Variants in KCNH1 observed in about 807,000 individuals in gnomAD.
The protein encoded by KCNH1 is potassium voltage-gated channel subfamily H member 1.
Under a neutral mutation model 69.2 loss-of-function variants are expected in KCNH1, and 27 were observed. The observed-to-expected ratio is 0.39, with a 90% CI of 0.29 to 0.54. KCNH1 has a LOEUF of 0.54. KCNH1 is among the 20% of genes least tolerant of loss of function. The pLI, the probability that KCNH1 is intolerant of heterozygous loss-of-function variation, is 0.68. For synonymous variants in KCNH1, 456 were observed against 487.7 expected, an observed-to-expected ratio of 0.93 and a Z score of 0.86; for missense variants, 798 against 1,261.6, an observed-to-expected ratio of 0.63 and a Z score of 5.57.
At chr1:210,990,877 C>G (rs751517442) in intron 6 of KCNH1, among the ~76,000 whole-genome samples, 3 of 151,926 alleles carry the variant, frequency 2.0e-5, no homozygotes, top group East Asian at 1.9e-4. Context: ...ATATTAAGTG[C>G]TAAGGCATTA....
At chr1:210,896,674 T>C (rs1208711079) in intron 7 of KCNH1, among the ~76,000 whole-genome samples, 2 of 152,178 alleles carry the variant, frequency 1.3e-5, no homozygotes, top group Non-Finnish European at 2.9e-5. Context: ...GGGTTTCTGG[T>C]GTCTAGCAAC....
chr1:210,685,694 CTGTT>C, intron 10 of KCNH1, among the ~76,000 whole-genome samples: 1 of 149,774 alleles, frequency 6.7e-6, no homozygotes, highest in East Asian at 1.9e-4. Context: ...TAAATGGCTC[CTGTT>C]GTCCTTGACC....
At chr1:210,761,833 G>A (rs1683530678) in intron 10 of KCNH1, among the ~76,000 whole-genome samples, 1 of 152,086 alleles carries the variant, frequency 6.6e-6, no homozygotes, top group Admixed American at 6.5e-5. Flanking sequence ...CAATAGACAG[G>A]TAGTCAATGC....
chr1:210,919,821 G>A lies in KCNH1; in HGVS notation c.1281C>T (p.Gly427=). 1 of 1,614,160 alleles carries A rather than the reference G, an allele frequency of 6.2e-7. No individual in the cohort carries two copies. Among genetic ancestry groups the A allele is most frequent in the Non-Finnish European group, 8.5e-7 (1 of 1,180,028 alleles). The change falls in exon 7 of 11, where the codon GGC becomes GGT. Residue 427 remains glycine (G), a synonymous_variant. Transcript: ENST00000271751. This position sits in a 1 kb window ranked among gnomAD's most constrained non-coding sequence, Gnocchi z 4.2. The part of the protein sequence containing the change: ...SWLYQLAMDI[G]TPYQFNGSGS... ...CAGACCCATTAAACTGGTAAGGGGT[G>A]CCAATGTCCATCGCTAGTTGGTACA... is the stretch of plus-strand genomic sequence containing the variant.
At chr1:211,113,098 A>G (rs1216912574) in intron 1 of KCNH1, among the ~76,000 whole-genome samples, 1 of 152,104 alleles carries the variant, frequency 6.6e-6, no homozygotes, top group Non-Finnish European at 1.5e-5. Context: ...GGTTTTTTTC[A>G]ACCTTTACAT....
chr1:211,029,204 A>C (rs888594904), intron 5 of KCNH1, among the ~76,000 whole-genome samples: 2 of 148,800 alleles, frequency 1.3e-5, no homozygotes, highest in Non-Finnish European at 3.0e-5. Context: ...GTGGTGGTAC[A>C]TGCCTATAGT....
chr1:210,867,838 C>T (rs1225094302), intron 7 of KCNH1, among the ~76,000 whole-genome samples: 2 of 151,988 alleles, frequency 1.3e-5, no homozygotes, highest in African/African-American at 2.4e-5. Flanking sequence ...AACCATGTGT[C>T]ATGCATATCT....
chr1:210,794,528 A>G (rs568564310), intron 9 of KCNH1, among the ~76,000 whole-genome samples: 8 of 152,220 alleles, frequency 5.3e-5, no homozygotes, highest in Non-Finnish European at 1.2e-4. Context: ...TCAACAATAA[A>G]TCAAGCCCTG....
At chr1:210,904,895 C>T (rs1227800169) in intron 7 of KCNH1, among the ~76,000 whole-genome samples, 1 of 152,114 alleles carries the variant, frequency 6.6e-6, no homozygotes, top group Non-Finnish European at 1.5e-5. Context: ...GAACACCTAG[C>T]TTTGGGAACT....
chr1:210,737,428 T>C (rs1378193421), intron 10 of KCNH1, among the ~76,000 whole-genome samples: 1 of 152,224 alleles, frequency 6.6e-6, no homozygotes, highest in Non-Finnish European at 1.5e-5. Context: ...TCAATTAAGA[T>C]TTTGAGTCAA....
chr1:210,722,637 G>A (rs1226762513), intron 10 of KCNH1, among the ~76,000 whole-genome samples: 5 of 152,158 alleles, frequency 3.3e-5, no homozygotes, highest in South Asian at 4.1e-4. Flanking sequence ...ATTTACACAT[G>A]TGTTTTCTCT....
intron 3 of KCNH1, among the ~76,000 whole-genome samples, chr1:211,100,626 C>T (rs1441442688): frequency 6.6e-6 from 1 of 152,244 alleles, no homozygotes; most frequent in African/African-American, 2.4e-5. Flanking sequence ...GCCGGGATTA[C>T]AGGCATGAGC....
chr1:210,919,416 T>C lies in KCNH1; in HGVS notation c.1462+224A>G, dbSNP rs1487990432. ...TAGTTATCTCTGAAAAGCAGAATTATGGATAGTCTTTACTTTCTACTTTGC... is the reference window on the plus strand; with the variant it reads ...TAGTTATCTCTGAAAAGCAGAATTACGGATAGTCTTTACTTTCTACTTTGC... On this transcript the variant is annotated intron_variant, in intron 7 of 10. Transcript: ENST00000271751. The surrounding 1 kb of genome is among the most constrained non-coding windows in gnomAD (Gnocchi z 4.2). 2 of 538,856 alleles carry C rather than the reference T, an allele frequency of 3.7e-6. No homozygotes were observed. The highest frequency in any genetic ancestry group is 6.6e-6 in the Non-Finnish European group (2 of 301,566). 33.4% of individuals were successfully genotyped at this position (538,856 alleles called of 1,614,324 possible).
At chr1:210,888,579 G>A (rs1022778775) in intron 7 of KCNH1, among the ~76,000 whole-genome samples, 41 of 151,630 alleles carry the variant, frequency 2.7e-4, no homozygotes, top group African/African-American at 9.5e-4. Flanking sequence ...TGAAGGAGAC[G>A]GAGACATAAA....
chr1:211,090,481 C>A, intron 4 of KCNH1, 81 bp downstream of exon 4: 1 of 1,287,884 alleles, frequency 7.8e-7, no homozygotes, highest in Non-Finnish European at 1.1e-6. Context: ...ATTGCCTTGA[C>A]AACCTTAAAT....
intron 10 of KCNH1, among the ~76,000 whole-genome samples, chr1:210,707,202 G>A (rs757792409): frequency 6.6e-6 from 1 of 152,054 alleles, no homozygotes; most frequent in Non-Finnish European, 1.5e-5. Flanking sequence ...CAGGATGGGT[G>A]GGAGCAGGTG....
intron 6 of KCNH1, among the ~76,000 whole-genome samples, chr1:210,978,897 C>T (rs1278963106): frequency 6.6e-6 from 1 of 152,178 alleles, no homozygotes; most frequent in African/African-American, 2.4e-5. Flanking sequence ...CTTTCACATG[C>T]TGTTGGGCCC....
chr1:211,123,804 A>G (rs938696084), intron 1 of KCNH1, among the ~76,000 whole-genome samples: 1 of 152,082 alleles, frequency 6.6e-6, no homozygotes, highest in Non-Finnish European at 1.5e-5. Flanking sequence ...AGAGGAGAGG[A>G]CATGAGAGAC....
At chr1:211,015,789 G>C (rs1174617395) in intron 6 of KCNH1, among the ~76,000 whole-genome samples, 6 of 152,172 alleles carry the variant, frequency 3.9e-5, no homozygotes, top group Non-Finnish European at 1.5e-5. Flanking sequence ...TGTTTTAACA[G>C]GTGATACCAA....
Sources: allele counts gnomAD v4.1 joint callset (sites outside exome capture counted in the v4.1 genomes callset), GRCh38; gene constraint gnomAD v4.1.1; non-coding constraint Gnocchi (gnomAD v3.1); transcripts MANE v1.5; gene names NCBI Gene and HGNC (gene_info 2026-07-23, HGNC 2026-07-21).